Variants in UHRF2 observed in about 807,000 individuals in gnomAD.
The protein encoded by UHRF2 is ubiquitin like with PHD and ring finger domains 2.
A neutral mutation model predicts 96.8 loss-of-function variants in UHRF2; 23 were observed. That is an observed-to-expected ratio of 0.24 (90% confidence interval 0.17 to 0.34). The LOEUF is 0.34. Ranked by LOEUF, UHRF2 falls within the 10% of genes least tolerant of loss-of-function variation. UHRF2 has a pLI of 1.00. For synonymous variants in UHRF2, 385 were observed against 332.6 expected (o/e 1.16, Z -1.72); for missense variants, 685 against 981.5 (o/e 0.70, Z 4.04).
chr9:6,500,269 A>C (rs1040790055), intron 13 of UHRF2, among the ~76,000 whole-genome samples: 13 of 152,210 alleles, frequency 8.5e-5, no homozygotes, highest in African/African-American at 2.9e-4. Flanking sequence ...CATCCAGCCA[A>C]CATACTTTTT....
chr9:6,457,419 G>C lies in UHRF2; in HGVS notation c.645-3154G>C, dbSNP rs920632247. ...AGGAGATTTTGGGCTGAGATGATGG[G>C]GTTTTCTAAATATACAATCATGTCA... On this transcript the variant is annotated intron_variant, in intron 3 of 15. Transcript: ENST00000276893. Among the ~76,000 whole-genome samples the C allele has an allele frequency of 2.6e-5, 4 of 152,154 alleles. No individual in the cohort carries two copies. The East Asian group carries it at 7.7e-4, about 29-fold the overall frequency.
intron 1 of UHRF2, among the ~76,000 whole-genome samples, chr9:6,416,661 TC>T (rs1353226671): frequency 6.9e-6 from 1 of 145,226 alleles, no homozygotes; most frequent in Non-Finnish European, 1.5e-5. Context: ...TGCCTCAGCC[TC>T]CCGAGTAGCT....
At position 6,432,449 on chromosome 9, in the gene UHRF2, C is replaced by T. The variant is rs117703234; in HGVS notation, c.385-1465C>T. 1.0e-3 allele frequency among the ~76,000 whole-genome samples: 154 copies of T among 152,258 alleles called. 1 individual carries two copies. In the East Asian group the frequency reaches 0.011, roughly 11 times the overall value. Reference sequence around the variant, plus strand: ...TGTATACCTGTCTTGTCATTTATATCAAGGTTCATGGTATGATGGCAAGAA... The same window carrying T: ...TGTATACCTGTCTTGTCATTTATATTAAGGTTCATGGTATGATGGCAAGAA... On this transcript the variant is annotated intron_variant, in intron 2 of 15. Transcript: ENST00000276893.
At chr9:6,460,828 A>C in intron 4 of UHRF2, 37 bp downstream of exon 4, 1 of 1,561,000 alleles carries the variant, frequency 6.4e-7, no homozygotes, top group Non-Finnish European at 8.7e-7. Context: ...TAATTAACTG[A>C]ATTGATCAAG....
intron 4 of UHRF2, among the ~76,000 whole-genome samples, chr9:6,471,483 A>G (rs999111622): frequency 6.6e-6 from 1 of 152,080 alleles, no homozygotes. Context: ...ATGCTGTACC[A>G]CTTCAAGATG....
chr9:6,462,324 TAAAA>T (rs770054900), intron 4 of UHRF2, among the ~76,000 whole-genome samples: 2 of 141,508 alleles, frequency 1.4e-5, no homozygotes, highest in African/African-American at 2.6e-5. Flanking sequence ...TCCTGAGATT[TAAAA>T]AAAAAAAAAA....
intron 15 of UHRF2, among the ~76,000 whole-genome samples, chr9:6,505,295 G>GTATA (rs375388121): frequency 2.7e-5 from 4 of 150,820 alleles, no homozygotes; most frequent in East Asian, 1.9e-4. Context: ...GTGTGTGTGT[G>GTATA]TATATATATA....
chr9:6,479,290 T>C (rs1025801318), intron 6 of UHRF2, among the ~76,000 whole-genome samples: 20 of 152,234 alleles, frequency 1.3e-4, no homozygotes, highest in Admixed American at 2.0e-4. Context: ...AGACACTTTT[T>C]ATGTCTAAAC....
intron 3 of UHRF2, among the ~76,000 whole-genome samples, chr9:6,447,410 T>C (rs572955210): frequency 1.3e-5 from 2 of 152,284 alleles, no homozygotes; most frequent in African/African-American, 4.8e-5. Context: ...AATTGCTGTT[T>C]TATAGTATGA....
chr9:6,451,390 C>T lies in UHRF2; in HGVS notation c.645-9183C>T, dbSNP rs529310306. On this transcript the variant is annotated intron_variant, in intron 3 of 15. Coordinates refer to ENST00000276893, the MANE Select transcript of UHRF2 (RefSeq NM_152896.3). ...TTACATAGTTCTGTAGTTAAATCTC[C>T]AAAACAAAATATACTAAGAGAAATT... Among the ~76,000 whole-genome samples, 5 of 151,910 alleles carry T rather than the reference C, an allele frequency of 3.3e-5. No homozygotes were observed. The South Asian group carries it at 8.3e-4, about 25-fold the overall frequency.
chr9:6,467,050 ATAG>A (rs1408546809), intron 4 of UHRF2, among the ~76,000 whole-genome samples: 2 of 152,334 alleles, frequency 1.3e-5, no homozygotes, highest in East Asian at 3.9e-4. Flanking sequence ...TACCACAAAC[ATAG>A]TAGCTTAAAC....
At chr9:6,444,783 A>C (rs767202356) in intron 3 of UHRF2, among the ~76,000 whole-genome samples, 4 of 151,992 alleles carry the variant, frequency 2.6e-5, no homozygotes, top group African/African-American at 9.7e-5. Context: ...TTGTATTTTT[A>C]GTAGAGACAG....
chr9:6,498,356 G>A (rs923098891), intron 12 of UHRF2, 198 bp downstream of exon 12: 5 of 481,560 alleles, frequency 1.0e-5, no homozygotes, highest in Non-Finnish European at 1.7e-5. Context: ...TGGGACCAAG[G>A]GTTGTGCTTG....
chr9:6,453,268 A>C (rs1037799649), intron 3 of UHRF2, among the ~76,000 whole-genome samples: 1 of 152,326 alleles, frequency 6.6e-6, no homozygotes, highest in East Asian at 1.9e-4. Flanking sequence ...ACTTAGTTCA[A>C]AATCTTTCCA....
chr9:6,470,375 A>T (rs963547101), intron 4 of UHRF2, among the ~76,000 whole-genome samples: 1 of 151,694 alleles, frequency 6.6e-6, no homozygotes, highest in Non-Finnish European at 1.5e-5. Context: ...AAAAAAAAAA[A>T]TTTCCCAACT....
At position 6,477,604 on chromosome 9, in the gene UHRF2, TA is replaced by T. The variant is rs760490900; in HGVS notation, c.974-16del. On this transcript the variant is annotated splice_polypyrimidine_tract_variant and intron_variant, in intron 5 of 15. Transcript: ENST00000276893. ...AAATGTTTTAAGACTAGACTTGCTA[TA>T]ATTTTGTTCTTAATAGGGCGAAATG... 3.2e-6 allele frequency: 5 copies of T among 1,578,090 alleles called. No individual in the cohort carries two copies. Among genetic ancestry groups the T allele is most frequent in the Admixed American group, 3.7e-5 (2 of 53,802 alleles).
At position 6,481,633 on chromosome 9, in the gene UHRF2, T is replaced by C; in HGVS notation, c.1161-10T>C. Reference sequence around the variant, plus strand: ...GTGAAAATGCCTTCGTTCTTTTTTTTCTTTTAAAGGTATTGTCCTTCTTGT... The same window carrying C: ...GTGAAAATGCCTTCGTTCTTTTTTTCCTTTTAAAGGTATTGTCCTTCTTGT... On this transcript the variant is annotated splice_polypyrimidine_tract_variant and intron_variant, in intron 6 of 15. Transcript: ENST00000276893. The C allele has an allele frequency of 6.2e-7, 1 of 1,605,970 alleles. No individual in the cohort carries two copies. Among genetic ancestry groups the C allele is most frequent in the Non-Finnish European group, 8.5e-7 (1 of 1,177,808 alleles).
intron 15 of UHRF2, among the ~76,000 whole-genome samples, chr9:6,505,658 C>T (rs200009721): frequency 6.6e-6 from 1 of 152,198 alleles, no homozygotes; most frequent in Non-Finnish European, 1.5e-5. Context: ...ATATAAAATT[C>T]ATTTCTAAGC....
rs367892288 is a variant in UHRF2, at chr9:6,413,452, G to T, written c.-39G>T. On this transcript the variant is annotated 5_prime_UTR_variant, in exon 1 of 16. Transcript: ENST00000276893. ...GCGGGGCGCGGCGCCCAGAGCTCAG[G>T]GGGAGACAAAGGGGACCGGTTCCTC... 4.7e-6 allele frequency: 7 copies of T among 1,475,244 alleles called. No individual in the cohort carries two copies. In the Admixed American group the frequency reaches 6.3e-5, roughly 13 times the overall value. 91.4% of individuals were successfully genotyped at this position (1,475,244 alleles called of 1,614,324 possible). A position where few individuals can be genotyped will look rare whatever the true frequency, so the allele number is the denominator to read the frequency against.
Sources: gnomAD v4.1 joint callset for allele counts (sites outside exome capture counted in the v4.1 genomes callset) on GRCh38, gnomAD v4.1.1 for gene constraint, MANE v1.5 for transcripts, NCBI Gene and HGNC (gene_info 2026-07-23, HGNC 2026-07-21) for gene names.